MRPL22: variants seen among roughly 807,000 people sequenced by gnomAD.
MRPL22 encodes the protein large ribosomal subunit protein uL22m.
A neutral mutation model predicts 32.4 loss-of-function variants in MRPL22; 27 were observed. The ratio of observed to expected loss-of-function variants is 0.83; its 90% CI spans 0.61 to 1.15. The LOEUF is 1.15. Among genes scored for constraint, MRPL22 ranks in the 50% most tolerant of loss-of-function variants. MRPL22 has a pLI of 0.00. For missense variants in MRPL22, 239 were observed against 260.2 expected, an observed-to-expected ratio of 0.92 and a Z score of 0.56; for synonymous variants, 86 against 87.3, an observed-to-expected ratio of 0.99 and a Z score of 0.08.
chr5:154,963,002 G>A (rs911634469), intron 6 of MRPL22, among the ~76,000 whole-genome samples: 3 of 152,154 alleles, frequency 2.0e-5, no homozygotes, highest in African/African-American at 7.2e-5. Context: ...GTAGTGGTGC[G>A]ATCTCAGCTC....
intron 6 of MRPL22, among the ~76,000 whole-genome samples, chr5:154,961,911 C>G (rs1582695097): frequency 6.6e-6 from 1 of 152,154 alleles, no homozygotes; most frequent in African/African-American, 2.4e-5. Context: ...TGGTCTTGAA[C>G]TCCTGGCTTC....
intron 5 of MRPL22, among the ~76,000 whole-genome samples, chr5:154,957,709 A>G (rs186849991): frequency 6.6e-6 from 1 of 151,972 alleles, no homozygotes; most frequent in Admixed American, 6.6e-5. Flanking sequence ...CCTTTCTCTG[A>G]TCTTTTTCTT....
At chr5:154,953,815 T>C (rs1464364746) in intron 3 of MRPL22, among the ~76,000 whole-genome samples, 3 of 151,124 alleles carry the variant, frequency 2.0e-5, no homozygotes, top group African/African-American at 7.3e-5. Context: ...GCCTCCCAAG[T>C]AGCTGGGATT....
At chr5:154,956,239 T>C in intron 3 of MRPL22, 132 bp from the exon 4 acceptor site, 1 of 650,382 alleles carries the variant, frequency 1.5e-6, no homozygotes, top group East Asian at 3.0e-5. Context: ...TTCTTAGTAA[T>C]GTTTCTATTT....
In MRPL22 at chr5:154,958,647, C is replaced by T. The variant is rs372677382; in HGVS notation, c.340-1333C>T. 1.3e-4 allele frequency among the ~76,000 whole-genome samples: 19 copies of T among 148,326 alleles called. 1 individual carries two copies. In the South Asian group the frequency reaches 3.6e-3, roughly 28 times the overall value. The stretch of plus-strand genomic sequence containing the variant: ...GTAAACTCCACCTCCTGGGTTCAAG[C>T]GATTCTACTACCTCAGCCTACCGAG... On this transcript the variant is annotated intron_variant, in intron 5 of 6. Coordinates refer to ENST00000523037, the MANE Select transcript of MRPL22 (RefSeq NM_014180.4).
chr5:154,956,498 TC>T, intron 4 of MRPL22, 62 bp downstream of exon 4: 6 of 1,053,938 alleles, frequency 5.7e-6, no homozygotes, highest in Non-Finnish European at 7.2e-6. Context: ...TGAGTTCCCC[TC>T]CCCACCCCTC....
chr5:154,949,299 A>T (rs184335024), intron 2 of MRPL22, among the ~76,000 whole-genome samples: 2 of 152,322 alleles, frequency 1.3e-5, no homozygotes, highest in Non-Finnish European at 1.5e-5. Context: ...GCTTATTTCC[A>T]TACCAAGAAT....
chr5:154,951,685 C>T (rs1310758458), intron 3 of MRPL22, among the ~76,000 whole-genome samples: 5 of 151,138 alleles, frequency 3.3e-5, no homozygotes, highest in Non-Finnish European at 5.9e-5. Context: ...TACAGGTGCC[C>T]GCCACGATGA....
intron 3 of MRPL22, 150 bp downstream of exon 3, chr5:154,951,088 G>A: frequency 1.6e-6 from 1 of 620,608 alleles, no homozygotes; most frequent in Non-Finnish European, 2.8e-6. Context: ...CTCTTCAATA[G>A]TTGAAAAAGA....
intron 2 of MRPL22, among the ~76,000 whole-genome samples, chr5:154,947,957 G>A (rs1391404446): frequency 6.6e-6 from 1 of 152,204 alleles, no homozygotes; most frequent in Admixed American, 6.5e-5. Flanking sequence ...GCTTGTTCAG[G>A]GAACAATGAA....
In MRPL22 at chr5:154,969,253, G is replaced by T. The variant is rs1764813890; in HGVS notation, c.*2356G>T. ...TGAGTGGGTTCTCATGAGATCTGAT[G>T]GTTTTATAAGTGTTTGAAAGTTCCC... is the stretch of plus-strand genomic sequence containing the variant. On this transcript the variant is annotated 3_prime_UTR_variant, in exon 7 of 7. Coordinates refer to ENST00000523037, the MANE Select transcript of MRPL22 (RefSeq NM_014180.4). 1 of 152,072 alleles carries T rather than the reference G, an allele frequency of 6.6e-6. No homozygotes were observed. The allele number at this position is 152,072 out of a possible 1,614,324, so 9.4% of individuals were successfully genotyped here.
chr5:154,962,586 C>T (rs1237689337), intron 6 of MRPL22, among the ~76,000 whole-genome samples: 1 of 152,156 alleles, frequency 6.6e-6, no homozygotes, highest in Admixed American at 6.5e-5. Context: ...CATATGTTCT[C>T]ATTATATGGT....
In MRPL22 at chr5:154,942,814, A is replaced by C. The variant is rs1764437739; in HGVS notation, c.77+1549A>C. Among the ~76,000 whole-genome samples, 4 of 152,356 alleles carry C rather than the reference A, an allele frequency of 2.6e-5. No homozygotes were observed. In the South Asian group the frequency reaches 8.3e-4, roughly 32 times the overall value. On this transcript the variant is annotated intron_variant, in intron 2 of 6. Coordinates refer to ENST00000523037, the MANE Select transcript of MRPL22 (RefSeq NM_014180.4). ...GACATTTATTTATTGTTGTACCTCC[A>C]GCATAAGGTCTTACACAGGCAAGTA...
chr5:154,941,136 TG>T lies in MRPL22; in HGVS notation c.28+1del. 1 of 1,614,006 alleles carries T rather than the reference TG, an allele frequency of 6.2e-7. No homozygotes were observed. The highest frequency in any genetic ancestry group is 1.7e-5 in the Admixed American group (1 of 60,012). On this transcript the variant is annotated frameshift_variant and splice_region_variant, in exon 1 of 7. Transcript: ENST00000523037. LOFTEE classifies it high-confidence loss of function. ...ATGGCGGCGGCAGTACTGGGACAGTTGGGTAAGGATTTCTTAGTGGTTAAGC... is the reference window on the plus strand; with the variant it reads ...ATGGCGGCGGCAGTACTGGGACAGTTGGTAAGGATTTCTTAGTGGTTAAGC... MAAAVLGQ[L>X]GALWIHNLRS...
chr5:154,943,700 C>G (rs542410339), intron 2 of MRPL22, among the ~76,000 whole-genome samples: 3 of 149,508 alleles, frequency 2.0e-5, no homozygotes, highest in African/African-American at 7.4e-5. Flanking sequence ...TTAAAGACAG[C>G]GTTTTGCTGT....
In MRPL22 at chr5:154,953,384, A is replaced by G. The variant is rs867939020; in HGVS notation, c.195+2446A>G. On this transcript the variant is annotated intron_variant, in intron 3 of 6. Transcript: ENST00000523037. The stretch of plus-strand genomic sequence containing the variant: ...GGAGAAAAAAAAAAAAAAAAAAAAA[A>G]AAAAGAAAATGAGCCAGAGAGAAAT... 9.8e-3 allele frequency among the ~76,000 whole-genome samples: 1,452 copies of G among 148,826 alleles called. 30 individuals carry two copies. The highest frequency in any genetic ancestry group is 0.035 in the African/African-American group (1,397 of 39,884).
intron 5 of MRPL22, among the ~76,000 whole-genome samples, chr5:154,957,599 GA>G (rs899684222): frequency 1.3e-5 from 2 of 151,878 alleles, no homozygotes; most frequent in Non-Finnish European, 2.9e-5. Context: ...TTTTTTTGAA[GA>G]TTTTTTTTTT....
At chr5:154,955,483 C>T (rs1050209294) in intron 3 of MRPL22, 15 of 152,156 alleles carry the variant, frequency 9.9e-5, no homozygotes, top group Admixed American at 9.8e-4. Flanking sequence ...AGTAGATGTG[C>T]TAGACATTGT....
Position 154,960,066 on chromosome 5 carries a change from T to G in MRPL22, c.409+17T>G, listed in dbSNP as rs1173466333. The G allele has an allele frequency of 6.4e-7, 1 of 1,551,282 alleles. No homozygotes were observed. Reference sequence around the variant, plus strand: ...TATATATAGGTAAGATTTTTAATATTCTTAGCATTAGAAAATGTCTTCAGT... The same window carrying G: ...TATATATAGGTAAGATTTTTAATATGCTTAGCATTAGAAAATGTCTTCAGT... On this transcript the variant is annotated intron_variant, in intron 6 of 6. Transcript: ENST00000523037.
Sources: gnomAD v4.1 joint callset for allele counts (sites outside exome capture counted in the v4.1 genomes callset) on GRCh38, gnomAD v4.1.1 for gene constraint, MANE v1.5 for transcripts, NCBI Gene and HGNC (gene_info 2026-07-23, HGNC 2026-07-21) for gene names.